CACNB4: variants seen among roughly 807,000 people sequenced by gnomAD.
The protein encoded by CACNB4 is voltage-dependent L-type calcium channel subunit beta-4.
A neutral mutation model predicts 71.2 loss-of-function variants in CACNB4; 32 were observed. The observed-to-expected ratio is 0.45, with a 90% CI of 0.34 to 0.60. The LOEUF is 0.60. Ranked by LOEUF, CACNB4 falls within the 20% of genes least tolerant of loss-of-function variation. The probability of loss-of-function intolerance (pLI) is 0.01; values close to 1 mark genes in which losing one functional copy is unlikely to be tolerated. For missense variants in CACNB4, 464 were observed against 647.9 expected (o/e 0.72, Z 3.08); for synonymous variants, 231 against 236.9 (o/e 0.97, Z 0.23).
chr2:151,893,488 C>T (rs2099851243), intron 2 of CACNB4, among the ~76,000 whole-genome samples: 1 of 152,082 alleles, frequency 6.6e-6, no homozygotes, highest in Admixed American at 6.5e-5. Flanking sequence ...GCAATCTATC[C>T]ACCTCAGCCT....
At position 151,913,814 on chromosome 2, in the gene CACNB4, C is replaced by G. The variant is rs2099856835; in HGVS notation, c.148-30444G>C. 2.0e-5 allele frequency among the ~76,000 whole-genome samples: 3 copies of G among 150,898 alleles called. No homozygotes were observed. The South Asian group carries it at 6.3e-4, about 32-fold the overall frequency. The stretch of plus-strand genomic sequence containing the variant: ...ATTGAATATTGGCCTCCAGTCTCTT[C>G]TGGCTTGTAGAGTTTCTGCTGAGAG... On this transcript the variant is annotated intron_variant, in intron 2 of 13. Transcript: ENST00000539935.
At chr2:151,929,813 G>C (rs1459326161) in intron 2 of CACNB4, among the ~76,000 whole-genome samples, 1 of 152,048 alleles carries the variant, frequency 6.6e-6, no homozygotes, top group Non-Finnish European at 1.5e-5. Context: ...TACTTGGGGA[G>C]AAATTTCCAG....
At position 152,098,815 on chromosome 2, in the gene CACNB4, G is replaced by C. The variant is rs906324221; in HGVS notation, c.63+134C>G. ...GGAGAAAGGGACGTGGAGGAGGGGT[G>C]GGGGGAGCGGGGCCGCCGACTCCCG... On this transcript the variant is annotated intron_variant, in intron 1 of 13. Coordinates refer to ENST00000539935, the MANE Select transcript of CACNB4 (RefSeq NM_000726.5). This position sits in a 1 kb window ranked among gnomAD's most constrained non-coding sequence, Gnocchi z 5.3. 7 of 985,642 alleles carry C rather than the reference G, an allele frequency of 7.1e-6. No homozygotes were observed. The highest frequency in any genetic ancestry group is 2.7e-5 in the Admixed American group (1 of 36,686). 61.1% of individuals were successfully genotyped at this position (985,642 alleles called of 1,614,324 possible).
intron 2 of CACNB4, among the ~76,000 whole-genome samples, chr2:151,935,312 T>C (rs1016691463): frequency 6.6e-6 from 1 of 152,240 alleles, no homozygotes; most frequent in Non-Finnish European, 1.5e-5. Context: ...ATCTGACTAA[T>C]TTTCTAAGCC....
chr2:151,991,990 C>T (rs4146377), intron 2 of CACNB4, among the ~76,000 whole-genome samples: 8,918 of 152,262 alleles, frequency 0.059, 936 homozygotes, highest in East Asian at 0.46. Context: ...CTCAGTCCCA[C>T]TGAGAACTTC....
chr2:151,901,593 A>C lies in CACNB4; in HGVS notation c.148-18223T>G, dbSNP rs183871825. ...AAAACAAAACAAACAAACAAAAAAA[A>C]CCTCCTTACTAGAAAAGATCACGAA... is the stretch of plus-strand genomic sequence containing the variant. On this transcript the variant is annotated intron_variant, in intron 2 of 13. Coordinates refer to ENST00000539935, the MANE Select transcript of CACNB4 (RefSeq NM_000726.5). Among the ~76,000 whole-genome samples the C allele has an allele frequency of 9.7e-4, 147 of 152,196 alleles. 2 individuals carry two copies. The East Asian group carries it at 0.026, about 27-fold the overall frequency.
intron 2 of CACNB4, among the ~76,000 whole-genome samples, chr2:152,095,634 A>T (rs1688224379): frequency 6.6e-6 from 1 of 152,170 alleles, no homozygotes; most frequent in African/African-American, 2.4e-5. Context: ...TGGTCATTCT[A>T]CAAATAATGA....
In CACNB4 at chr2:152,011,436, T is replaced by A. The variant is rs539590456; in HGVS notation, c.147+86894A>T. Among the ~76,000 whole-genome samples, 3 of 152,310 alleles carry A rather than the reference T, an allele frequency of 2.0e-5. No homozygotes were observed. In the South Asian group the frequency reaches 6.2e-4, roughly 32 times the overall value. ...CTGATAAAGTTGTTGAGGTTATTGCTTGAAGCACGGAGAAATCAACTATGT... is the reference window on the plus strand; with the variant it reads ...CTGATAAAGTTGTTGAGGTTATTGCATGAAGCACGGAGAAATCAACTATGT... On this transcript the variant is annotated intron_variant, in intron 2 of 13. Transcript: ENST00000539935.
upstream of CACNB4, chr2:152,099,093 GA>G: frequency 2.3e-6 from 2 of 879,310 alleles, no homozygotes; most frequent in South Asian, 1.8e-5. Context: ...GACGGAGGGG[GA>G]GGGCGCAGGA....
intron 2 of CACNB4, among the ~76,000 whole-genome samples, chr2:152,083,366 AAGGG>A (rs951609252): frequency 4.5e-5 from 5 of 111,574 alleles, no homozygotes; most frequent in Non-Finnish European, 9.0e-5. Context: ...GGAAGGAAGG[AAGGG>A]AGGGAGGGAA....
chr2:151,975,052 T>C (rs187355841), intron 2 of CACNB4, among the ~76,000 whole-genome samples: 2 of 152,332 alleles, frequency 1.3e-5, no homozygotes, highest in East Asian at 3.9e-4. Context: ...AGTCACCATC[T>C]TGATGGGCTC....
intron 2 of CACNB4, among the ~76,000 whole-genome samples, chr2:151,897,641 G>A (rs1047092264): frequency 2.0e-5 from 3 of 152,172 alleles, no homozygotes; most frequent in Non-Finnish European, 4.4e-5. Flanking sequence ...GAGAGGAGGT[G>A]GTTACTCATA....
At chr2:152,003,975 C>A (rs1048317316) in intron 2 of CACNB4, among the ~76,000 whole-genome samples, 5 of 152,074 alleles carry the variant, frequency 3.3e-5, no homozygotes, top group African/African-American at 1.2e-4. Flanking sequence ...CTCCCAAGTA[C>A]TCGGACCACA....
intron 2 of CACNB4, among the ~76,000 whole-genome samples, chr2:152,003,520 C>T (rs1246290558): frequency 6.6e-6 from 1 of 151,860 alleles, no homozygotes; most frequent in Non-Finnish European, 1.5e-5. Flanking sequence ...TCTTGATGCG[C>T]TTATTATATT....
intron 4 of CACNB4, chr2:151,880,595 A>C (rs936875602): frequency 1.9e-5 from 11 of 578,260 alleles, no homozygotes; most frequent in Admixed American, 1.4e-4. Flanking sequence ...ACTGTGATTT[A>C]ATGTTGTCAG....
intron 2 of CACNB4, among the ~76,000 whole-genome samples, chr2:151,957,493 T>G (rs2099868621): frequency 6.6e-6 from 1 of 152,094 alleles, no homozygotes; most frequent in South Asian, 2.1e-4. Context: ...TACATTTTAT[T>G]TAAAGAAAGA....
At chr2:152,003,890 G>T (rs1682570529) in intron 2 of CACNB4, among the ~76,000 whole-genome samples, 1 of 151,852 alleles carries the variant, frequency 6.6e-6, no homozygotes, top group African/African-American at 2.4e-5. Context: ...TGTCACCCAG[G>T]CTGGAGTGCA....
intron 2 of CACNB4, among the ~76,000 whole-genome samples, chr2:152,086,726 C>A (rs1687679330): frequency 6.6e-6 from 1 of 152,186 alleles, no homozygotes; most frequent in African/African-American, 2.4e-5. Flanking sequence ...ATATACTTTT[C>A]TTTAATCCTG....
chr2:151,869,074 T>C, intron 9 of CACNB4, 103 bp downstream of exon 9: 3 of 715,792 alleles, frequency 4.2e-6, no homozygotes, highest in South Asian at 3.4e-5. Flanking sequence ...AACTTTTAAC[T>C]AGAGAACTTC....
Sources: allele counts gnomAD v4.1 joint callset (sites outside exome capture counted in the v4.1 genomes callset), GRCh38; gene constraint gnomAD v4.1.1; non-coding constraint Gnocchi (gnomAD v3.1); transcripts MANE v1.5; gene names NCBI Gene and HGNC (gene_info 2026-07-23, HGNC 2026-07-21).